The following PPP1R1C variants were observed in gnomAD, a reference collection of about 807,000 sequenced individuals.
PPP1R1C encodes protein phosphatase 1 regulatory subunit 1C.
PPP1R1C carries 15 observed loss-of-function variants against 17.4 expected under a neutral mutation model. The ratio of observed to expected loss-of-function variants is 0.86; its 90% confidence interval spans 0.58 to 1.33. The LOEUF (loss-of-function observed/expected upper bound fraction) is 1.33, where lower values mean the gene tolerates loss of function less well. Ranked by LOEUF, PPP1R1C falls within the 40% of genes most tolerant of loss-of-function variation. The pLI, the probability that PPP1R1C is intolerant of heterozygous loss-of-function variation, is 0.00. For missense variants in PPP1R1C, 143 were observed against 130.0 expected (o/e 1.10, Z -0.48); for synonymous variants, 35 against 43.1 (o/e 0.81, Z 0.73).
intron 2 of PPP1R1C, among the ~76,000 whole-genome samples, chr2:182,054,466 G>A (rs552646549): frequency 6.6e-6 from 1 of 151,998 alleles, no homozygotes; most frequent in Non-Finnish European, 1.5e-5. Flanking sequence ...CACTATTCTT[G>A]ATCCCTGGCA....
chr2:181,998,368 T>C (rs1182056158), intron 2 of PPP1R1C, among the ~76,000 whole-genome samples: 4 of 152,232 alleles, frequency 2.6e-5, no homozygotes, highest in Non-Finnish European at 4.4e-5. Context: ...ACTTTCATAA[T>C]TGATTTGTCA....
At chr2:182,097,097 C>CAT (rs1688963085) in intron 4 of PPP1R1C, among the ~76,000 whole-genome samples, 1 of 152,158 alleles carries the variant, frequency 6.6e-6, no homozygotes, top group African/African-American at 2.4e-5. Context: ...AGCTAACAGA[C>CAT]ATATCTCTGA....
At chr2:182,068,806 G>A (rs1173812943) in intron 4 of PPP1R1C, among the ~76,000 whole-genome samples, 3 of 152,122 alleles carry the variant, frequency 2.0e-5, no homozygotes, top group Non-Finnish European at 4.4e-5. Flanking sequence ...TCTTGCCAGA[G>A]GGATGAGAAG....
At position 181,976,390 on chromosome 2, in the gene PPP1R1C, C is replaced by G. The variant is rs1217837785; in HGVS notation, n.157+1126C>G. On this transcript the variant is annotated intron_variant and non_coding_transcript_variant, in intron 2 of 5. Transcript: ENST00000464264. This position sits in a 1 kb window ranked among gnomAD's most constrained non-coding sequence, Gnocchi z 4.8. ...TCTAGAAGTTACTCTGAATCCAAAC[C>G]AAATAAAATCTTATAACATTATTTT... Among the ~76,000 whole-genome samples, 2 of 151,972 alleles carry G rather than the reference C, an allele frequency of 1.3e-5. No homozygotes were observed. Among genetic ancestry groups the G allele is most frequent in the Non-Finnish European group, 2.9e-5 (2 of 67,986 alleles).
chr2:182,032,862 C>G (rs992782529), intron 2 of PPP1R1C, among the ~76,000 whole-genome samples: 1 of 152,124 alleles, frequency 6.6e-6, no homozygotes, highest in African/African-American at 2.4e-5. Context: ...TCAATATATT[C>G]AAGCCTCTTA....
At chr2:182,043,415 CTGATT>C (rs2125181314) in intron 2 of PPP1R1C, among the ~76,000 whole-genome samples, 1 of 152,192 alleles carries the variant, frequency 6.6e-6, no homozygotes, top group South Asian at 2.1e-4. Flanking sequence ...AAAAGGATAT[CTGATT>C]TATCTGCCGT....
At chr2:182,056,532 A>G (rs1420805092) in intron 2 of PPP1R1C, among the ~76,000 whole-genome samples, 1 of 152,070 alleles carries the variant, frequency 6.6e-6, no homozygotes, top group African/African-American at 2.4e-5. Flanking sequence ...TTTTCCTCAC[A>G]TTTCCAAAAT....
At chr2:181,968,856 G>A (rs556460081) in intron 1 of PPP1R1C, among the ~76,000 whole-genome samples, 33 of 151,678 alleles carry the variant, frequency 2.2e-4, no homozygotes, top group African/African-American at 7.7e-4. Flanking sequence ...TTATTTTTGT[G>A]TATCTGTTGT....
rs756097743 is a variant in PPP1R1C at position 182,036,646 on chromosome 2, G to A, written c.143-24796G>A. On this transcript the variant is annotated intron_variant, in intron 2 of 4. Coordinates refer to ENST00000682840, the MANE Select transcript of PPP1R1C (RefSeq NM_001080545.3). ...TCTAAATTTATTGAGAATAGAAACC[G>A]TTATTATTATAACTTAACCTGATAT... is the stretch of plus-strand genomic sequence containing the variant. Among the ~76,000 whole-genome samples the A allele has an allele frequency of 2.3e-4, 35 of 151,878 alleles. No individual in the cohort carries two copies. In the Middle Eastern group the frequency reaches 0.017, roughly 74 times the overall value.
downstream of PPP1R1C, among the ~76,000 whole-genome samples, chr2:182,122,634 C>T (rs970359350): frequency 6.6e-6 from 1 of 151,584 alleles, no homozygotes; most frequent in Non-Finnish European, 1.5e-5. Context: ...CCCATTTCAA[C>T]AGATGCATAT....
chr2:182,027,810 G>C (rs1380503664), intron 2 of PPP1R1C, among the ~76,000 whole-genome samples: 4 of 147,344 alleles, frequency 2.7e-5, no homozygotes, highest in Non-Finnish European at 6.0e-5. Flanking sequence ...TTGTACCTCT[G>C]GTAGAATTCG....
intron 4 of PPP1R1C, among the ~76,000 whole-genome samples, chr2:182,099,418 G>T (rs1689036249): frequency 6.6e-6 from 1 of 152,166 alleles, no homozygotes; most frequent in Admixed American, 6.5e-5. Flanking sequence ...CATCCCTCCT[G>T]CCCCCACAAG....
At chr2:181,986,550 T>C (rs1185360840) in intron 1 of PPP1R1C, among the ~76,000 whole-genome samples, 1 of 152,218 alleles carries the variant, frequency 6.6e-6, no homozygotes, top group Non-Finnish European at 1.5e-5. Flanking sequence ...TTATTTCATT[T>C]TTTATAAAAT....
rs549328223 is a variant in PPP1R1C at position 182,076,804 on chromosome 2, T to C, written c.241+13013T>C. ...ATTTTTCTACTATTAACAAACTTAATTGGATTTTAAATAACACATCTGTAA... is the reference window on the plus strand; with the variant it reads ...ATTTTTCTACTATTAACAAACTTAACTGGATTTTAAATAACACATCTGTAA... On this transcript the variant is annotated intron_variant, in intron 4 of 4. Coordinates refer to ENST00000682840, the MANE Select transcript of PPP1R1C (RefSeq NM_001080545.3). 1.1e-4 allele frequency among the ~76,000 whole-genome samples: 17 copies of C among 152,328 alleles called. No homozygotes were observed. In the East Asian group the frequency reaches 2.9e-3, roughly 26 times the overall value.
intron 4 of PPP1R1C, among the ~76,000 whole-genome samples, chr2:182,085,088 T>C (rs573059437): frequency 1.6e-4 from 24 of 152,226 alleles, no homozygotes; most frequent in African/African-American, 5.8e-4. Flanking sequence ...TTTGTGTACA[T>C]TGCATCATAT....
At chr2:182,120,572 C>G (rs1559101400), downstream of PPP1R1C, among the ~76,000 whole-genome samples, 1 of 152,192 alleles carries the variant, frequency 6.6e-6, no homozygotes. Flanking sequence ...TCAAGTTTCT[C>G]TCTACTTAAA....
intron 2 of PPP1R1C, among the ~76,000 whole-genome samples, chr2:181,994,016 A>C (rs1685542544): frequency 7.3e-6 from 1 of 136,974 alleles, no homozygotes; most frequent in Non-Finnish European, 1.7e-5. Flanking sequence ...GTAGTGGGTA[A>C]GAAAAAAAAA....
rs1684685477 is a variant in PPP1R1C, at chr2:181,957,256, A to G, written n.111+2622A>G. ...ACCCCTGTAATCCCAGCTATTCAGGAGGCTGAGGCAGAATTGCTTGAACCC... is the reference window on the plus strand; with the variant it reads ...ACCCCTGTAATCCCAGCTATTCAGGGGGCTGAGGCAGAATTGCTTGAACCC... On this transcript the variant is annotated intron_variant and non_coding_transcript_variant, in intron 1 of 5. Transcript: ENST00000464264. The surrounding 1 kb of genome is among the most constrained non-coding windows in gnomAD (Gnocchi z 4.2). 6.6e-6 allele frequency among the ~76,000 whole-genome samples: 1 copy of G among 152,170 alleles called. No individual in the cohort carries two copies. Among genetic ancestry groups the G allele is most frequent in the Admixed American group, 6.5e-5 (1 of 15,288 alleles).
Position 181,961,203 on chromosome 2 carries a change from CT to C in PPP1R1C, n.111+6571del. On this transcript the variant is annotated intron_variant and non_coding_transcript_variant, in intron 1 of 5. Coordinates refer to the PPP1R1C transcript ENST00000464264. The surrounding 1 kb of genome is among the most constrained non-coding windows in gnomAD (Gnocchi z 5.8). ...CCAAAGGGTACCCTGCTTCTGCTGG[CT>C]TGATGTCTTAGAACTTTGGTGTCAT... 1.1e-6 allele frequency: 1 copy of C among 892,340 alleles called. No homozygotes were observed. Among genetic ancestry groups the C allele is most frequent in the Non-Finnish European group, 1.8e-6 (1 of 543,546 alleles). 55.3% of individuals were successfully genotyped at this position (892,340 alleles called of 1,614,324 possible). A position where few individuals can be genotyped will look rare whatever the true frequency, so the allele number is the denominator to read the frequency against.
Sources: gnomAD v4.1 joint callset for allele counts (sites outside exome capture counted in the v4.1 genomes callset) on GRCh38, gnomAD v4.1.1 for gene constraint, Gnocchi (gnomAD v3.1) non-coding constraint, MANE v1.5 for transcripts, NCBI Gene and HGNC (gene_info 2026-07-23, HGNC 2026-07-21) for gene names.